USH2A: variants seen among roughly 807,000 people sequenced by gnomAD.
USH2A encodes the protein Usher syndrome 2A (autosomal recessive, mild).
USH2A carries 443 observed loss-of-function variants against 538.9 expected under a neutral mutation model. The observed-to-expected ratio is 0.82, with a 90% CI of 0.76 to 0.89. The LOEUF (loss-of-function observed/expected upper bound fraction) is 0.89, where lower values mean the gene tolerates loss of function less well. Among genes scored for constraint, USH2A ranks in the 40% least tolerant of loss-of-function variants. USH2A has a pLI of 0.00. For synonymous variants in USH2A, 2,413 were observed against 2,273.5 expected, an observed-to-expected ratio of 1.06 and a Z score of -1.75; for missense variants, 6,633 against 6,324.8, an observed-to-expected ratio of 1.05 and a Z score of -1.65.
At chr1:215,627,027 CA>C (rs1425810943) in intron 71 of USH2A, among the ~76,000 whole-genome samples, 1 of 152,130 alleles carries the variant, frequency 6.6e-6, no homozygotes, top group East Asian at 1.9e-4. Flanking sequence ...ACAACAACAT[CA>C]AACAGCCTGT....
chr1:216,338,594 C>T (rs1353078499), intron 4 of USH2A, among the ~76,000 whole-genome samples: 1 of 151,006 alleles, frequency 6.6e-6, no homozygotes, highest in East Asian at 2.0e-4. Context: ...TGTGACAGAC[C>T]AAAAATACAA....
At chr1:216,169,190 A>G (rs1406701885) in intron 21 of USH2A, among the ~76,000 whole-genome samples, 5 of 152,146 alleles carry the variant, frequency 3.3e-5, no homozygotes, top group South Asian at 2.1e-4. Context: ...TGTGGTTTAT[A>G]TATCAGGTGA....
intron 9 of USH2A, among the ~76,000 whole-genome samples, chr1:216,307,049 G>A (rs2037330135): frequency 6.6e-6 from 1 of 152,122 alleles, no homozygotes; most frequent in South Asian, 2.1e-4. Flanking sequence ...AGCATCAACG[G>A]CAGTAGCATA....
chr1:216,332,885 C>A (rs1240606136), intron 4 of USH2A, among the ~76,000 whole-genome samples: 2 of 152,026 alleles, frequency 1.3e-5, no homozygotes, highest in East Asian at 3.9e-4. Context: ...AGATTTGCTA[C>A]ACTATGTGTT....
chr1:216,184,668 ATATT>A (rs1202019179), intron 20 of USH2A, among the ~76,000 whole-genome samples: 1 of 151,958 alleles, frequency 6.6e-6, no homozygotes, highest in African/African-American at 2.4e-5. Flanking sequence ...AGGTAGAAAA[ATATT>A]TATATTAGTA....
chr1:216,174,905 G>A (rs1205649313), intron 21 of USH2A: 2 of 1,123,212 alleles, frequency 1.8e-6, no homozygotes, highest in Admixed American at 4.4e-5. Flanking sequence ...TAGCATGAGG[G>A]CATTTTGCAA....
chr1:215,743,490 A>G (rs1466604777), intron 58 of USH2A, among the ~76,000 whole-genome samples, 155 bp from the exon 59 acceptor site: 19 of 147,346 alleles, frequency 1.3e-4, no homozygotes, highest in African/African-American at 4.7e-4. Flanking sequence ...ATAAAACAGA[A>G]TGGGCAACAA....
chr1:216,409,386 A>T (rs556177306), intron 3 of USH2A, among the ~76,000 whole-genome samples: 6 of 152,184 alleles, frequency 3.9e-5, no homozygotes, highest in East Asian at 1.9e-4. Flanking sequence ...AAAACTTTTT[A>T]AATTCATATA....
intron 44 of USH2A, among the ~76,000 whole-genome samples, chr1:215,852,001 A>G (rs1211566161): frequency 6.6e-5 from 10 of 152,200 alleles, no homozygotes. Context: ...CTTTATAATT[A>G]AAACCCTCAG....
chr1:215,674,786 A>T lies in USH2A; in HGVS notation c.13125T>A (p.Cys4375Ter), dbSNP rs1571948815. ...WAVSATQMNV[C>*]WSPPTVQNGK... is the part of the protein sequence containing the mutation. ...CATTTTGCACTGTGGGCGGTGACCA[A>T]CATACATTCATTTGAGTGGCACTGA... is the stretch of plus-strand genomic sequence containing the variant. The change falls in exon 63 of 72, where the codon TGT becomes TGA. Residue 4375 changes from cysteine (C) to a stop codon, truncating the protein, a stop_gained. Coordinates refer to ENST00000307340, the MANE Select transcript of USH2A (RefSeq NM_206933.4). LOFTEE classifies it high-confidence loss of function. The T allele has an allele frequency of 6.2e-7, 1 of 1,614,190 alleles. No individual in the cohort carries two copies. The highest frequency in any genetic ancestry group is 8.5e-7 in the Non-Finnish European group (1 of 1,180,034).
At chr1:216,290,651 T>C (rs908473050) in intron 10 of USH2A, among the ~76,000 whole-genome samples, 1 of 152,186 alleles carries the variant, frequency 6.6e-6, no homozygotes, top group Non-Finnish European at 1.5e-5. Flanking sequence ...CTCTAAAGCA[T>C]CATGAGAGGA....
In USH2A at chr1:215,838,440, G is replaced by A. The variant is rs556083218; in HGVS notation, c.9259-337C>T. ...CAAGTGACAGTTTGCAAGCATAACA[G>A]GTTATCACTGCTCACTGTTCTCTAA... On this transcript the variant is annotated intron_variant, in intron 46 of 71. Transcript: ENST00000307340. Among the ~76,000 whole-genome samples, 102 of 152,284 alleles carry A rather than the reference G, an allele frequency of 6.7e-4. 1 individual carries two copies. Among genetic ancestry groups the A allele is most frequent in the African/African-American group, 2.4e-3 (98 of 41,564 alleles).
chr1:216,070,429 T>C lies in USH2A; in HGVS notation c.5858-137A>G, dbSNP rs1571933482. The C allele has an allele frequency of 2.4e-5, 20 of 837,166 alleles. No individual in the cohort carries two copies. In the East Asian group the frequency reaches 5.0e-4, roughly 21 times the overall value. The allele number at this position is 837,166 out of a possible 1,614,324, so 51.9% of individuals were successfully genotyped here. On this transcript the variant is annotated intron_variant, in intron 29 of 71. Coordinates refer to ENST00000307340, the MANE Select transcript of USH2A (RefSeq NM_206933.4). Reference sequence around the variant, plus strand: ...TACAATTTATTAGAGTTGTAACTTTTCAGCATTGATTTAATATGACTGCAC... The same window carrying C: ...TACAATTTATTAGAGTTGTAACTTTCCAGCATTGATTTAATATGACTGCAC...
Position 216,218,340 on chromosome 1 carries a change from T to C in USH2A, c.2994-790A>G, listed in dbSNP as rs559234109. Among the ~76,000 whole-genome samples, 95 of 152,216 alleles carry C rather than the reference T, an allele frequency of 6.2e-4. 1 individual carries two copies. The highest frequency in any genetic ancestry group is 1.3e-3 in the Non-Finnish European group (86 of 67,968). Reference sequence around the variant, plus strand: ...TTCTTCACAGTGAATTATTCAAACATGTAGCCTATGCCAATGGCACTAATT... The same window carrying C: ...TTCTTCACAGTGAATTATTCAAACACGTAGCCTATGCCAATGGCACTAATT... On this transcript the variant is annotated intron_variant, in intron 14 of 71. Transcript: ENST00000307340.
In USH2A at chr1:215,919,195, T is replaced by A. The variant is rs192039850; in HGVS notation, c.7300+15421A>T. 2.2e-3 allele frequency among the ~76,000 whole-genome samples: 332 copies of A among 152,192 alleles called. 1 individual carries two copies. Among genetic ancestry groups the A allele is most frequent in the Non-Finnish European group, 3.9e-3 (263 of 67,964 alleles). On this transcript the variant is annotated intron_variant, in intron 38 of 71. Coordinates refer to ENST00000307340, the MANE Select transcript of USH2A (RefSeq NM_206933.4). ...GGGTCCTTCTCCTTAAAATTTTAAT[T>A]CTAATACTTCCTATACTTCAGGAAT...
At chr1:216,419,866 T>G (rs2102785663) in intron 2 of USH2A, among the ~76,000 whole-genome samples, 2 of 152,226 alleles carry the variant, frequency 1.3e-5, no homozygotes, top group Middle Eastern at 3.4e-3. Context: ...TTGCATCTAT[T>G]TTTTTCCTGA....
At chr1:215,885,149 T>C (rs77293270) in intron 41 of USH2A, among the ~76,000 whole-genome samples, 7,935 of 152,202 alleles carry the variant, frequency 0.052, 220 homozygotes, top group Middle Eastern at 0.099. Flanking sequence ...AAGTACCTTC[T>C]TCCTAATCTG....
chr1:215,823,704 T>C (rs1395637271), intron 47 of USH2A, among the ~76,000 whole-genome samples: 2 of 152,080 alleles, frequency 1.3e-5, no homozygotes, highest in African/African-American at 4.8e-5. Context: ...GTTTTCTATA[T>C]ACCTTGTAGG....
At chr1:216,273,355 G>A (rs2036610492) in intron 11 of USH2A, among the ~76,000 whole-genome samples, 1 of 151,994 alleles carries the variant, frequency 6.6e-6, no homozygotes, top group African/African-American at 2.4e-5. Context: ...CACTGACCAG[G>A]GCACACTTCC....
Sources: allele counts gnomAD v4.1 joint callset (sites outside exome capture counted in the v4.1 genomes callset), GRCh38; gene constraint gnomAD v4.1.1; transcripts MANE v1.5; gene names NCBI Gene and HGNC (gene_info 2026-07-23, HGNC 2026-07-21).